The following RB1 variants were observed in gnomAD, a reference collection of about 807,000 sequenced individuals.
RB1 encodes RB transcriptional corepressor 1.
In RB1, 18 loss-of-function variants were observed where a neutral mutation model predicts 135.4. The ratio of observed to expected loss-of-function variants is 0.13; its 90% CI spans 0.09 to 0.20. RB1 has a LOEUF of 0.20. RB1 is among the 10% of genes least tolerant of loss of function. The probability of loss-of-function intolerance (pLI) is 1.00; values close to 1 mark genes in which losing one functional copy is unlikely to be tolerated. For synonymous variants in RB1, 365 were observed against 373.2 expected, an observed-to-expected ratio of 0.98 and a Z score of 0.25; for missense variants, 868 against 1,110.0, an observed-to-expected ratio of 0.78 and a Z score of 3.10.
intron 9 of RB1, among the ~76,000 whole-genome samples, chr13:48,365,349 A>G (rs1952684241): frequency 6.6e-6 from 1 of 152,300 alleles, no homozygotes; most frequent in Middle Eastern, 3.4e-3. Flanking sequence ...TGCCATCAAC[A>G]TTATTGGCAT....
chr13:48,328,471 G>T, intron 2 of RB1: 1 of 904,544 alleles, frequency 1.1e-6, no homozygotes, highest in Non-Finnish European at 1.9e-6. Flanking sequence ...GCTTCTCAGC[G>T]CTGCGGCTGG....
chr13:48,374,984 A>T (rs1952805526), intron 12 of RB1, among the ~76,000 whole-genome samples: 1 of 151,896 alleles, frequency 6.6e-6, no homozygotes, highest in South Asian at 2.1e-4. Flanking sequence ...CTTTTTCTGT[A>T]TTAATTTGTT....
chr13:48,450,089 T>A (rs1949316756), intron 17 of RB1, among the ~76,000 whole-genome samples: 1 of 117,650 alleles, frequency 8.5e-6, no homozygotes, highest in African/African-American at 4.2e-5. Context: ...TGATGATATA[T>A]ATATATTTTT....
At chr13:48,476,427 T>C (rs1949504298) in intron 24 of RB1, 2 of 402,732 alleles carry the variant, frequency 5.0e-6, no homozygotes, top group East Asian at 9.8e-5. Context: ...AACCAGGACT[T>C]GCAGAGTAGG....
intron 2 of RB1, chr13:48,341,328 T>A (rs1952440929): frequency 6.6e-6 from 1 of 152,082 alleles, no homozygotes; most frequent in African/African-American, 2.4e-5. Flanking sequence ...GCACTTCTTT[T>A]TTTTTTATAT....
intron 17 of RB1, among the ~76,000 whole-genome samples, chr13:48,448,366 C>T (rs752392088): frequency 1.8e-4 from 27 of 152,064 alleles, no homozygotes; most frequent in South Asian, 4.1e-4. Flanking sequence ...TTTTTCTCCC[C>T]GCCATAAAAT....
chr13:48,303,902 G>C lies in RB1; in HGVS notation c.-11G>C, dbSNP rs1376823332. 6.6e-7 allele frequency: 1 copy of C among 1,515,182 alleles called. No individual in the cohort carries two copies. The highest frequency in any genetic ancestry group is 1.4e-5 in the African/African-American group (1 of 69,562). The allele number at this position is 1,515,182 out of a possible 1,614,324, so 93.9% of individuals were successfully genotyped here. A position where few individuals can be genotyped will look rare whatever the true frequency, so the allele number is the denominator to read the frequency against. On this transcript the variant is annotated 5_prime_UTR_variant, in exon 1 of 27. Coordinates refer to ENST00000267163, the MANE Select transcript of RB1 (RefSeq NM_000321.3). ...TCCACAGCTCGCTGGCTCCCGCCGC[G>C]GAAAGGCGTCATGCCGCCCAAAACC...
At chr13:48,327,239 C>G (rs4151438) in intron 2 of RB1, among the ~76,000 whole-genome samples, 1,816 of 151,668 alleles carry the variant, frequency 0.012, 17 homozygotes, top group Admixed American at 0.02. Flanking sequence ...AATACTTAAG[C>G]AATATGTACA....
chr13:48,318,818 G>T (rs1952209320), intron 2 of RB1: 2 of 957,252 alleles, frequency 2.1e-6, no homozygotes, highest in South Asian at 1.3e-5. Context: ...CCTGCGAGCA[G>T]CTCTCACCTC....
At chr13:48,370,677 A>G (rs1339001043) in intron 11 of RB1, among the ~76,000 whole-genome samples, 1 of 152,224 alleles carries the variant, frequency 6.6e-6, no homozygotes, top group Non-Finnish European at 1.5e-5. Context: ...GCTGTCCAGG[A>G]GCCTCCACAT....
intron 2 of RB1, among the ~76,000 whole-genome samples, chr13:48,325,217 G>A (rs1952277156): frequency 6.6e-6 from 1 of 152,108 alleles, no homozygotes; most frequent in Admixed American, 6.5e-5. Flanking sequence ...ACTTATAAGT[G>A]AGAACATGCA....
chr13:48,342,072 T>C (rs1285033937), intron 2 of RB1, among the ~76,000 whole-genome samples: 1 of 151,968 alleles, frequency 6.6e-6, no homozygotes, highest in Non-Finnish European at 1.5e-5. Context: ...CATTTAATTG[T>C]TACAAAATGG....
chr13:48,343,337 A>C (rs1197920535), intron 3 of RB1, among the ~76,000 whole-genome samples: 1 of 152,190 alleles, frequency 6.6e-6, no homozygotes, highest in East Asian at 1.9e-4. Context: ...AAAATGCAAC[A>C]GTATGTATTT....
chr13:48,334,917 T>TC lies in RB1; in HGVS notation c.265-7681dup, dbSNP rs574049412. 6.5e-3 allele frequency among the ~76,000 whole-genome samples: 992 copies of TC among 152,262 alleles called. 15 individuals carry two copies. Among genetic ancestry groups the TC allele is most frequent in the African/African-American group, 0.023 (945 of 41,562 alleles). ...TGATTAAAATTTTGATAAAGATTTT[T>TC]CTCGAGTATTTCTAATTTTTCTCTC... On this transcript the variant is annotated intron_variant, in intron 2 of 26. Transcript: ENST00000267163.
intron 2 of RB1, among the ~76,000 whole-genome samples, chr13:48,330,108 T>TA (rs760859104): frequency 0.011 from 1,571 of 143,754 alleles, 19 homozygotes; most frequent in African/African-American, 0.024. Context: ...AAATGGAAAT[T>TA]AAAAAAAAAA....
intron 17 of RB1, among the ~76,000 whole-genome samples, chr13:48,432,816 G>T (rs1593511796): frequency 6.6e-6 from 1 of 151,642 alleles, no homozygotes; most frequent in Non-Finnish European, 1.5e-5. Context: ...TTACTATTAA[G>T]GCTCTTGAAA....
intron 18 of RB1, among the ~76,000 whole-genome samples, chr13:48,455,329 G>A (rs941522766): frequency 1.3e-5 from 2 of 152,130 alleles, no homozygotes; most frequent in African/African-American, 4.8e-5. Context: ...GTAGGTAATT[G>A]GAGATTTACA....
At chr13:48,428,955 G>A (rs561139359) in intron 17 of RB1, among the ~76,000 whole-genome samples, 1 of 152,274 alleles carries the variant, frequency 6.6e-6, no homozygotes, top group East Asian at 1.9e-4. Context: ...AGTTAAAAAG[G>A]ATTGGTCTCT....
chr13:48,336,128 A>C (rs1463123821), intron 2 of RB1, among the ~76,000 whole-genome samples: 5 of 152,044 alleles, frequency 3.3e-5, no homozygotes, highest in Non-Finnish European at 7.4e-5. Context: ...TTCATCAGGG[A>C]CATCAGTCTA....
Sources: allele counts gnomAD v4.1 joint callset (sites outside exome capture counted in the v4.1 genomes callset), GRCh38; gene constraint gnomAD v4.1.1; transcripts MANE v1.5; gene names NCBI Gene and HGNC (gene_info 2026-07-23, HGNC 2026-07-21).